The following MAPKAP1 variants were observed in gnomAD, a reference collection of about 807,000 sequenced individuals.
MAPKAP1 encodes target of rapamycin complex 2 subunit MAPKAP1.
A neutral mutation model predicts 65.7 loss-of-function variants in MAPKAP1; 20 were observed. The ratio of observed to expected loss-of-function variants is 0.30; its 90% CI spans 0.21 to 0.44. The LOEUF is 0.44. Ranked by LOEUF, MAPKAP1 falls within the 20% of genes least tolerant of loss-of-function variation. The probability of loss-of-function intolerance (pLI) is 1.00; values close to 1 mark genes in which losing one functional copy is unlikely to be tolerated. For synonymous variants in MAPKAP1, 222 were observed against 244.3 expected, an observed-to-expected ratio of 0.91 and a Z score of 0.85; for missense variants, 423 against 648.0, an observed-to-expected ratio of 0.65 and a Z score of 3.77.
At chr9:125,575,959 G>C (rs530527744) in intron 5 of MAPKAP1, among the ~76,000 whole-genome samples, 2 of 152,326 alleles carry the variant, frequency 1.3e-5, no homozygotes, top group South Asian at 2.1e-4. Flanking sequence ...TCTTTCAATA[G>C]ATGAATGAAT....
intron 4 of MAPKAP1, among the ~76,000 whole-genome samples, chr9:125,645,736 CA>C (rs1044199278): frequency 0.034 from 1,834 of 54,040 alleles, 19 homozygotes; most frequent in African/African-American, 0.093. Context: ...GACTCTGTCT[CA>C]AAAAAAAAAA....
chr9:125,693,706 T>TAC (rs1361453806), intron 1 of MAPKAP1, among the ~76,000 whole-genome samples: 5,150 of 101,978 alleles, frequency 0.051, 667 homozygotes, highest in African/African-American at 0.25. Context: ...CACGTATATA[T>TAC]ACACATATAT....
intron 5 of MAPKAP1, among the ~76,000 whole-genome samples, chr9:125,568,427 G>T (rs1257496032): frequency 6.6e-6 from 1 of 152,172 alleles, no homozygotes; most frequent in African/African-American, 2.4e-5. Flanking sequence ...ACGAGCAGCC[G>T]CCTGAACTTT....
chr9:125,517,737 G>A (rs1393363464), intron 7 of MAPKAP1, among the ~76,000 whole-genome samples: 1 of 152,152 alleles, frequency 6.6e-6, no homozygotes, highest in Non-Finnish European at 1.5e-5. Flanking sequence ...CTAGCCTCAC[G>A]AATGGGCTCT....
At chr9:125,487,124 G>T (rs1051343855) in intron 8 of MAPKAP1, among the ~76,000 whole-genome samples, 4 of 152,120 alleles carry the variant, frequency 2.6e-5, no homozygotes, top group Non-Finnish European at 5.9e-5. Flanking sequence ...GAAGGTGAGG[G>T]TCAAAGAGAC....
intron 4 of MAPKAP1, among the ~76,000 whole-genome samples, chr9:125,655,170 C>T (rs1833994879): frequency 6.6e-6 from 1 of 151,962 alleles, no homozygotes; most frequent in African/African-American, 2.4e-5. Flanking sequence ...AGGCTAAAAG[C>T]ATGGTGTTCC....
intron 2 of MAPKAP1, among the ~76,000 whole-genome samples, chr9:125,671,336 A>G (rs1438816808): frequency 1.3e-5 from 2 of 152,178 alleles, no homozygotes; most frequent in Non-Finnish European, 2.9e-5. Context: ...CAAAACTTGA[A>G]TGTGCCTTTC....
chr9:125,606,203 AAGGCAGGG>A (rs147174474), intron 4 of MAPKAP1, among the ~76,000 whole-genome samples: 4,037 of 152,236 alleles, frequency 0.027, 180 homozygotes, highest in African/African-American at 0.093. Flanking sequence ...TGTTTAGAGG[AAGGCAGGG>A]AGGGAAGAAG....
At chr9:125,690,736 T>C (rs1832097670) in intron 1 of MAPKAP1, among the ~76,000 whole-genome samples, 1 of 152,130 alleles carries the variant, frequency 6.6e-6, no homozygotes, top group Admixed American at 6.5e-5. Flanking sequence ...ACATTCGAGG[T>C]AGAAGACACA....
chr9:125,652,376 C>T (rs1455501824), intron 4 of MAPKAP1: 8 of 608,538 alleles, frequency 1.3e-5, no homozygotes, highest in East Asian at 1.1e-4. Flanking sequence ...TCACTTCAGG[C>T]TCGACATTGT....
chr9:125,566,521 A>G (rs1009456636), intron 5 of MAPKAP1, among the ~76,000 whole-genome samples: 9 of 152,122 alleles, frequency 5.9e-5, no homozygotes, highest in African/African-American at 2.2e-4. Context: ...CTGCGATTGC[A>G]CCCCTGCAGC....
At chr9:125,678,651 C>G (rs1834728595) in intron 1 of MAPKAP1, among the ~76,000 whole-genome samples, 1 of 152,166 alleles carries the variant, frequency 6.6e-6, no homozygotes, top group Non-Finnish European at 1.5e-5. Flanking sequence ...TTCAGATGCA[C>G]TTTGGATACT....
rs968142227 is a variant in MAPKAP1, at chr9:125,447,454, C to T, written c.1346-2856G>A. ...GTGGACAGCCACAGCAGACAGCCCC[C>T]TCTTGCTCTCTGCAAGGAGTGATGA... On this transcript the variant is annotated intron_variant, in intron 10 of 11. Coordinates refer to ENST00000265960, the MANE Select transcript of MAPKAP1 (RefSeq NM_001006617.3). This position sits in a 1 kb window ranked among gnomAD's most constrained non-coding sequence, Gnocchi z 4.5. 1 of 456,690 alleles carries T rather than the reference C, an allele frequency of 2.2e-6. No homozygotes were observed. Among genetic ancestry groups the T allele is most frequent in the Non-Finnish European group, 4.4e-6 (1 of 226,964 alleles). 28.3% of individuals were successfully genotyped at this position (456,690 alleles called of 1,614,324 possible).
intron 5 of MAPKAP1, among the ~76,000 whole-genome samples, chr9:125,576,271 T>C (rs767816489): frequency 6.6e-6 from 1 of 152,198 alleles, no homozygotes; most frequent in South Asian, 2.1e-4. Flanking sequence ...TGAACCCTAA[T>C]GTATAACTGC....
At chr9:125,538,776 C>T (rs1397472432) in intron 7 of MAPKAP1, among the ~76,000 whole-genome samples, 1 of 152,136 alleles carries the variant, frequency 6.6e-6, no homozygotes, top group Non-Finnish European at 1.5e-5. Context: ...CTCTCAGCCT[C>T]TTATGTATAC....
intron 5 of MAPKAP1, among the ~76,000 whole-genome samples, chr9:125,562,260 CA>C (rs1216291301): frequency 1.3e-5 from 2 of 152,198 alleles, no homozygotes; most frequent in African/African-American, 4.8e-5. Flanking sequence ...ATTTGAGATG[CA>C]AAAGGTTCAC....
chr9:125,684,666 C>T (rs1588072631), intron 1 of MAPKAP1, among the ~76,000 whole-genome samples: 1 of 152,158 alleles, frequency 6.6e-6, no homozygotes, highest in African/African-American at 2.4e-5. Context: ...AGACAAGTTG[C>T]ATTCCGTAAG....
chr9:125,703,633 G>A (rs968622726), intron 1 of MAPKAP1, among the ~76,000 whole-genome samples: 3 of 152,076 alleles, frequency 2.0e-5, no homozygotes, highest in African/African-American at 4.8e-5. Context: ...TTGGCCAGGC[G>A]TGGTGGCACC....
chr9:125,646,217 T>C (rs561574959), intron 4 of MAPKAP1, among the ~76,000 whole-genome samples: 25 of 152,202 alleles, frequency 1.6e-4, no homozygotes, highest in Non-Finnish European at 2.8e-4. Context: ...ATGCCTGGGA[T>C]AGAATAAATT....
Sources: gnomAD v4.1 joint callset for allele counts (sites outside exome capture counted in the v4.1 genomes callset) on GRCh38, gnomAD v4.1.1 for gene constraint, Gnocchi (gnomAD v3.1) non-coding constraint, MANE v1.5 for transcripts, NCBI Gene and HGNC (gene_info 2026-07-23, HGNC 2026-07-21) for gene names.